LZTS1: variants seen among roughly 807,000 people sequenced by gnomAD.
The protein encoded by LZTS1 is leucine zipper tumor suppressor 1.
A neutral mutation model predicts 45.8 loss-of-function variants in LZTS1; 31 were observed. That is an observed-to-expected ratio of 0.68 (90% CI 0.51 to 0.91). The LOEUF (loss-of-function observed/expected upper bound fraction) is 0.91, where lower values mean the gene tolerates loss of function less well. LZTS1 is among the 40% of genes least tolerant of loss of function. LZTS1 has a pLI of 0.00. For missense variants in LZTS1, 821 were observed against 788.9 expected (o/e 1.04, Z -0.49); for synonymous variants, 359 against 357.3 (o/e 1.00, Z -0.05).
rs1193453486 is a variant in LZTS1, at chr8:20,277,405, CA to C, written c.-134-22091del. On this transcript the variant is annotated intron_variant, in intron 1 of 3. Transcript: ENST00000381569. The stretch of plus-strand genomic sequence containing the variant: ...ATCAAGAAATAACTATAAGTATATT[CA>C]GCTGAACAGCCATGCTGCTGCTCTG... 3.3e-5 allele frequency among the ~76,000 whole-genome samples: 5 copies of C among 152,266 alleles called. No individual in the cohort carries two copies. In the East Asian group the frequency reaches 9.6e-4, roughly 29 times the overall value.
chr8:20,275,524 T>A (rs1438930247), intron 1 of LZTS1, among the ~76,000 whole-genome samples: 1 of 151,012 alleles, frequency 6.6e-6, no homozygotes. Flanking sequence ...GGGAAGGGCC[T>A]AAGCAGGAGA....
At chr8:20,302,687 C>CG (rs1801101786) in intron 1 of LZTS1, among the ~76,000 whole-genome samples, 1 of 152,160 alleles carries the variant, frequency 6.6e-6, no homozygotes, top group African/African-American at 2.4e-5. Context: ...TCCCAGCGCC[C>CG]GGGACCAGAG....
chr8:20,249,646 G>T lies in LZTS1; in HGVS notation c.*76C>A. ...GGCGTCTCTCAGAGGGGTCTGAATT[G>T]CTGAGCAGGGGGGATGCACGGGAGA... On this transcript the variant is annotated 3_prime_UTR_variant, in exon 4 of 4. Transcript: ENST00000381569. 6.6e-7 allele frequency: 1 copy of T among 1,518,506 alleles called. No individual in the cohort carries two copies. The highest frequency in any genetic ancestry group is 8.8e-7 in the Non-Finnish European group (1 of 1,133,486). 94.1% of individuals were successfully genotyped at this position (1,518,506 alleles called of 1,614,324 possible). A position where few individuals can be genotyped will look rare whatever the true frequency, so the allele number is the denominator to read the frequency against.
In LZTS1 at chr8:20,286,369, C is replaced by T. The variant is rs149724652; in HGVS notation, c.-135+17371G>A. On this transcript the variant is annotated intron_variant, in intron 1 of 3. Coordinates refer to ENST00000381569, the MANE Select transcript of LZTS1 (RefSeq NM_021020.5). ...GACATGCTAATGGACAAAAATAGGA[C>T]ATGCTAATGGACAAAAATATATAAA... is the stretch of plus-strand genomic sequence containing the variant. Among the ~76,000 whole-genome samples the T allele has an allele frequency of 2.0e-5, 3 of 152,256 alleles. No homozygotes were observed. The East Asian group carries it at 5.8e-4, about 29-fold the overall frequency.
intron 1 of LZTS1, among the ~76,000 whole-genome samples, chr8:20,271,584 G>A (rs1025346927): frequency 2.0e-5 from 3 of 152,216 alleles, no homozygotes; most frequent in South Asian, 2.1e-4. Flanking sequence ...TTCTGGCCCC[G>A]GTGACGCTGA....
chr8:20,275,591 G>A (rs993960882), intron 1 of LZTS1, among the ~76,000 whole-genome samples: 1 of 152,066 alleles, frequency 6.6e-6, no homozygotes, highest in East Asian at 1.9e-4. Context: ...CAATCTCGGG[G>A]TAAGAGAGGA....
rs1180510798 is a variant in LZTS1, at chr8:20,255,216, C to A, written c.-35G>T. 29 of 1,582,818 alleles carry A rather than the reference C, an allele frequency of 1.8e-5. No individual in the cohort carries two copies. The highest frequency in any genetic ancestry group is 2.5e-5 in the Non-Finnish European group (29 of 1,166,292). On this transcript the variant is annotated 5_prime_UTR_variant, in exon 2 of 4. Transcript: ENST00000381569. Reference sequence around the variant, plus strand: ...GGGCTGAGGATGGGGCAGGGCCGGGCAGGGTCTTGGAAAGGCTGTGGCAGC... The same window carrying A: ...GGGCTGAGGATGGGGCAGGGCCGGGAAGGGTCTTGGAAAGGCTGTGGCAGC...
rs1182041283 is a variant in LZTS1 at position 20,246,360 on chromosome 8, T to C, written c.*3362A>G. The C allele has an allele frequency of 6.6e-6, 1 of 152,294 alleles. No homozygotes were observed. Among genetic ancestry groups the C allele is most frequent in the Non-Finnish European group, 1.5e-5 (1 of 68,068 alleles). 9.4% of individuals were successfully genotyped at this position (152,294 alleles called of 1,614,324 possible). A position where few individuals can be genotyped will look rare whatever the true frequency, so the allele number is the denominator to read the frequency against. On this transcript the variant is annotated 3_prime_UTR_variant, in exon 4 of 4. Transcript: ENST00000381569. ...CTGGTCCGTCCCAGCCTGCCTCTGC[T>C]GGGGGCTCCAGCTCTGCCTGCAGGC...
At chr8:20,276,090 A>G (rs1800574529) in intron 1 of LZTS1, among the ~76,000 whole-genome samples, 1 of 152,164 alleles carries the variant, frequency 6.6e-6, no homozygotes. Context: ...AATGTTTAAG[A>G]GGCCTATAGG....
At chr8:20,263,291 G>A (rs1178874910) in intron 1 of LZTS1, among the ~76,000 whole-genome samples, 1 of 151,902 alleles carries the variant, frequency 6.6e-6, no homozygotes, top group Non-Finnish European at 1.5e-5. Flanking sequence ...AGGCCCCTCT[G>A]GGCTCAGTTT....
At chr8:20,288,316 G>T (rs1000451911) in intron 1 of LZTS1, among the ~76,000 whole-genome samples, 1 of 152,170 alleles carries the variant, frequency 6.6e-6, no homozygotes, top group Admixed American at 6.5e-5. Context: ...GGAAGTGGGT[G>T]GCCACTGCTC....
At chr8:20,276,399 C>T (rs1006561987) in intron 1 of LZTS1, among the ~76,000 whole-genome samples, 26 of 152,114 alleles carry the variant, frequency 1.7e-4, no homozygotes, top group African/African-American at 3.6e-4. Context: ...CACCAATGGC[C>T]AATGGCTTAA....
rs924413071 is a variant in LZTS1, at chr8:20,249,806, A to C, written c.1707T>G (p.Arg569=). ...CCAAGGGCTCCCCGGCGCTGTCCCCACGTGCCAGCTGCTGCAGGGCCTTCT... is the reference window on the plus strand; with the variant it reads ...CCAAGGGCTCCCCGGCGCTGTCCCCCCGTGCCAGCTGCTGCAGGGCCTTCT... ...RLEKALQQLA[R]GDSAGEPLEV... is the part of the protein sequence containing the mutation. The change falls in exon 4 of 4, where the codon CGT becomes CGG. Residue 569 remains arginine, a synonymous_variant. Coordinates refer to ENST00000381569, the MANE Select transcript of LZTS1 (RefSeq NM_021020.5). The C allele has an allele frequency of 6.2e-7, 1 of 1,613,920 alleles. No individual in the cohort carries two copies. The highest frequency in any genetic ancestry group is 1.3e-5 in the African/African-American group (1 of 74,906).
intron 1 of LZTS1, among the ~76,000 whole-genome samples, chr8:20,266,058 T>A (rs1297355126): frequency 6.6e-6 from 1 of 151,680 alleles, no homozygotes; most frequent in African/African-American, 2.4e-5. Flanking sequence ...AGTCTCACTC[T>A]CTTGTCCAGG....
At chr8:20,253,654 C>T in intron 2 of LZTS1, 69 bp from the exon 3 acceptor site, 1 of 1,284,546 alleles carries the variant, frequency 7.8e-7, no homozygotes, top group Middle Eastern at 2.4e-4. Flanking sequence ...CCTCCCCAGG[C>T]ACGCGTGCCG....
rs770841715 is a variant in LZTS1, at chr8:20,254,903, C to A, written c.279G>T (p.Gln93His). Residue 93 changes from glutamine (Q) to histidine (H), a missense_variant, in exon 2 of 4, where the codon CAG (glutamine) becomes CAT (histidine). Transcript: ENST00000381569. ...TGGACGGGTCAAAGTCCACCCCAGC[C>A]TGGCCCCCTAAATCCCCGCTGGACA... ...TALSSGDLGGQAGVDFDPSTP... is the reference protein window; with the variant it reads ...TALSSGDLGGHAGVDFDPSTP... 8 of 1,614,106 alleles carry A rather than the reference C, an allele frequency of 5.0e-6. No individual in the cohort carries two copies. The highest frequency in any genetic ancestry group is 1.7e-5 in the Admixed American group (1 of 60,004).
intron 1 of LZTS1, among the ~76,000 whole-genome samples, chr8:20,262,860 G>A (rs1036210175): frequency 4.6e-5 from 7 of 152,144 alleles, no homozygotes; most frequent in Non-Finnish European, 1.0e-4. Flanking sequence ...GGTTTGGGGG[G>A]AAGAGGAGGA....
At chr8:20,275,743 G>A in intron 1 of LZTS1, 1 of 152,494 alleles carries the variant, frequency 6.6e-6, no homozygotes, top group Non-Finnish European at 1.5e-5. Flanking sequence ...AGAGAGAAGG[G>A]GCCCTGTGGG....
intron 1 of LZTS1, among the ~76,000 whole-genome samples, chr8:20,287,875 A>T (rs1388236229): frequency 6.8e-6 from 1 of 146,342 alleles, no homozygotes; most frequent in Non-Finnish European, 1.5e-5. Context: ...GCAGTAAGCT[A>T]ATCACGCCAA....
Sources: gnomAD v4.1 joint callset for allele counts (sites outside exome capture counted in the v4.1 genomes callset) on GRCh38, gnomAD v4.1.1 for gene constraint, MANE v1.5 for transcripts, NCBI Gene and HGNC (gene_info 2026-07-23, HGNC 2026-07-21) for gene names.